The following PIP4P2 variants were observed in gnomAD, a reference collection of about 807,000 sequenced individuals.
The protein encoded by PIP4P2 is phosphatidylinositol-4,5-bisphosphate 4-phosphatase 2, also known as type 2 phosphatidylinositol 4,5-bisphosphate 4-phosphatase.
In PIP4P2, 19 loss-of-function variants were observed where a neutral mutation model predicts 33.3. That is an observed-to-expected ratio of 0.57 (90% confidence interval 0.40 to 0.84). PIP4P2 has a LOEUF of 0.84. PIP4P2 is among the 40% of genes least tolerant of loss of function. PIP4P2 has a pLI of 0.00. For missense variants in PIP4P2, 270 were observed against 324.7 expected, an observed-to-expected ratio of 0.83 and a Z score of 1.29; for synonymous variants, 110 against 111.9, an observed-to-expected ratio of 0.98 and a Z score of 0.11.
At chr8:91,028,699 C>G (rs149220956) in intron 1 of PIP4P2, among the ~76,000 whole-genome samples, 1 of 152,296 alleles carries the variant, frequency 6.6e-6, no homozygotes, top group Middle Eastern at 3.4e-3. Context: ...AAAAGCAACA[C>G]CACATCCCTG....
At chr8:91,019,292 T>C (rs147617649) in intron 3 of PIP4P2, among the ~76,000 whole-genome samples, 1 of 140,586 alleles carries the variant, frequency 7.1e-6, no homozygotes, top group Non-Finnish European at 1.5e-5. Context: ...TTTTAAGAGA[T>C]GGGCCAGGCA....
chr8:91,022,573 C>T (rs1044002842), intron 1 of PIP4P2, among the ~76,000 whole-genome samples: 1 of 152,110 alleles, frequency 6.6e-6, no homozygotes, highest in Non-Finnish European at 1.5e-5. Flanking sequence ...GAACTGGTAT[C>T]TCAAGAGGCT....
Position 90,996,694 on chromosome 8 carries a change from G to C in PIP4P2, c.590C>G (p.Thr197Ser). ...AATGAAAATACATATCATTCCAATGGTAATATATGCACAGCAGCGTCTTCG... is the reference window on the plus strand; with the variant it reads ...AATGAAAATACATATCATTCCAATGCTAATATATGCACAGCAGCGTCTTCG... Reference protein sequence around the residue: ...LPRRRCCAYITIGMICIFIGV... With the variant: ...LPRRRCCAYISIGMICIFIGV... Residue 197 changes from threonine to serine, a missense_variant, in exon 6 of 7, where the codon ACC becomes AGC. Coordinates refer to ENST00000285419, the MANE Select transcript of PIP4P2 (RefSeq NM_018710.3). The C allele has an allele frequency of 9.3e-6, 15 of 1,610,292 alleles. No individual in the cohort carries two copies. The highest frequency in any genetic ancestry group is 1.3e-5 in the Non-Finnish European group (15 of 1,178,122).
intron 1 of PIP4P2, among the ~76,000 whole-genome samples, chr8:91,021,627 G>A (rs1027824345): frequency 6.6e-6 from 1 of 152,108 alleles, no homozygotes; most frequent in South Asian, 2.1e-4. Flanking sequence ...AATCATGTTT[G>A]CCTAGGTCTA....
In PIP4P2 at chr8:90,995,662, G is replaced by A; in HGVS notation, c.*15C>T. 4 of 1,604,482 alleles carry A rather than the reference G, an allele frequency of 2.5e-6. No homozygotes were observed. Among genetic ancestry groups the A allele is most frequent in the Non-Finnish European group, 3.4e-6 (4 of 1,176,868 alleles). On this transcript the variant is annotated 3_prime_UTR_variant, in exon 7 of 7. Transcript: ENST00000285419. ...GCTAGACACTCTCACCTGCATTACTGAATCATAAACAAGCTTATGCAAAAC... is the reference window on the plus strand; with the variant it reads ...GCTAGACACTCTCACCTGCATTACTAAATCATAAACAAGCTTATGCAAAAC...
At position 91,018,502 on chromosome 8, in the gene PIP4P2, A is replaced by G; in HGVS notation, c.374T>C (p.Ile125Thr). The G allele has an allele frequency of 6.2e-7, 1 of 1,613,552 alleles. No individual in the cohort carries two copies. The highest frequency in any genetic ancestry group is 8.5e-7 in the Non-Finnish European group (1 of 1,179,816). Reference sequence around the variant, plus strand: ...AATAAGCATTACTGGGCCAAGGTTAATTATCCGTCTACTGTGAAAAGAGAA... The same window carrying G: ...AATAAGCATTACTGGGCCAAGGTTAGTTATCCGTCTACTGTGAAAAGAGAA... ...GCPRPNCRRI[I>T]NLGPVMLISE... is the part of the protein sequence containing the mutation. Residue 125 changes from isoleucine (I) to threonine (T), a missense_variant, in exon 4 of 7, where the codon ATT (isoleucine) becomes ACT (threonine). Transcript: ENST00000285419.
intron 1 of PIP4P2, among the ~76,000 whole-genome samples, chr8:91,029,245 C>G (rs1186424474): frequency 1.3e-5 from 2 of 151,658 alleles, no homozygotes; most frequent in South Asian, 2.1e-4. Context: ...GAGCCAAGAT[C>G]GTGCTATTGC....
chr8:91,003,970 GAT>G, intron 5 of PIP4P2, among the ~76,000 whole-genome samples: 1 of 151,574 alleles, frequency 6.6e-6, no homozygotes, highest in Middle Eastern at 3.4e-3. Flanking sequence ...TAGATAGATA[GAT>G]AGATAGATAG....
intron 4 of PIP4P2, among the ~76,000 whole-genome samples, chr8:91,014,466 ATTATG>A (rs991281850): frequency 2.6e-5 from 4 of 152,216 alleles, no homozygotes; most frequent in African/African-American, 9.6e-5. Flanking sequence ...CCTGGAAGAT[ATTATG>A]TTAAGTGAAA....
Position 91,040,822 on chromosome 8 carries a change from C to T in PIP4P2, c.-73G>A. ...CTCGGCGGAGTGGTGGCTACTGCTG[C>T]TGCCTCTGCTGCCGCTGCTGCCGCT... On this transcript the variant is annotated 5_prime_UTR_variant, in exon 1 of 7. Coordinates refer to ENST00000285419, the MANE Select transcript of PIP4P2 (RefSeq NM_018710.3). 7.5e-7 allele frequency: 1 copy of T among 1,331,060 alleles called. No homozygotes were observed. Among genetic ancestry groups the T allele is most frequent in the Non-Finnish European group, 1.0e-6 (1 of 956,608 alleles). The allele number at this position is 1,331,060 out of a possible 1,614,324, so 82.5% of individuals were successfully genotyped here.
intron 3 of PIP4P2, among the ~76,000 whole-genome samples, chr8:91,019,421 A>T (rs1811969956): frequency 1.4e-5 from 1 of 72,216 alleles, no homozygotes; most frequent in African/African-American, 3.3e-5. Context: ...AAAAAAAAAA[A>T]AAATATATTA....
chr8:90,995,744 A>G lies in PIP4P2; in HGVS notation c.707T>C (p.Ile236Thr). Residue 236 changes from isoleucine (I) to threonine (T), a missense_variant, in exon 7 of 7, where the codon ATC becomes ACC. Coordinates refer to ENST00000285419, the MANE Select transcript of PIP4P2 (RefSeq NM_018710.3). Reference sequence around the variant, plus strand: ...CCAATAACAAGCTCGGATAAGGCAGATCAATCCTAGGAGATAAGCAATTGC... The same window carrying G: ...CCAATAACAAGCTCGGATAAGGCAGGTCAATCCTAGGAGATAAGCAATTGC... ...SWAIAYLLGL[I>T]CLIRACYWGA... is the part of the protein sequence containing the mutation. The G allele has an allele frequency of 6.2e-7, 1 of 1,613,562 alleles. No individual in the cohort carries two copies. The highest frequency in any genetic ancestry group is 1.1e-5 in the South Asian group (1 of 91,020).
At chr8:91,021,500 ATT>A in intron 1 of PIP4P2, 96 bp from the exon 2 acceptor site, 1 of 1,382,152 alleles carries the variant, frequency 7.2e-7, no homozygotes, top group Non-Finnish European at 9.7e-7. Flanking sequence ...AACAATCAAG[ATT>A]TTCCCACGTT....
intron 5 of PIP4P2, among the ~76,000 whole-genome samples, chr8:91,000,795 ATTAT>A (rs1811689625): frequency 6.6e-6 from 1 of 151,940 alleles, no homozygotes; most frequent in Non-Finnish European, 1.5e-5. Context: ...AGATCTGAAA[ATTAT>A]TTGAGATTAT....
At chr8:91,039,114 G>C (rs1812272258) in intron 1 of PIP4P2, among the ~76,000 whole-genome samples, 1 of 152,158 alleles carries the variant, frequency 6.6e-6, no homozygotes, top group African/African-American at 2.4e-5. Flanking sequence ...TTGAAACTTT[G>C]TCTCCTAATA....
intron 1 of PIP4P2, among the ~76,000 whole-genome samples, chr8:91,033,674 T>C (rs150584434): frequency 3.5e-4 from 53 of 152,334 alleles, no homozygotes; most frequent in African/African-American, 1.2e-3. Flanking sequence ...GCAGGTGGAA[T>C]AGAAATCTCC....
At chr8:91,035,277 G>C (rs1812219477) in intron 1 of PIP4P2, among the ~76,000 whole-genome samples, 1 of 151,960 alleles carries the variant, frequency 6.6e-6, no homozygotes, top group Non-Finnish European at 1.5e-5. Context: ...GCTGCTTTGA[G>C]GTCAGTTTAC....
At chr8:91,007,934 C>CT in intron 5 of PIP4P2, among the ~76,000 whole-genome samples, 1 of 152,246 alleles carries the variant, frequency 6.6e-6, no homozygotes, top group Non-Finnish European at 1.5e-5. Context: ...AATGAGCCTC[C>CT]TGGTAGACAA....
intron 1 of PIP4P2, among the ~76,000 whole-genome samples, chr8:91,027,003 CT>C (rs995539675): frequency 6.6e-6 from 1 of 152,162 alleles, no homozygotes; most frequent in Non-Finnish European, 1.5e-5. Context: ...AAGCTCCGGT[CT>C]TTAAATTCTC....
Sources: allele counts gnomAD v4.1 joint callset (sites outside exome capture counted in the v4.1 genomes callset), GRCh38; gene constraint gnomAD v4.1.1; transcripts MANE v1.5; gene names NCBI Gene and HGNC (gene_info 2026-07-23, HGNC 2026-07-21).